OXR1: variants seen among roughly 807,000 people sequenced by gnomAD.
OXR1 encodes the protein oxidation resistance 1.
Under a neutral mutation model 104.6 loss-of-function variants are expected in OXR1, and 41 were observed. The observed-to-expected ratio is 0.39, with a 90% CI of 0.31 to 0.51. OXR1 has a LOEUF of 0.51. Ranked by LOEUF, OXR1 falls within the 20% of genes least tolerant of loss-of-function variation. The pLI, the probability that OXR1 is intolerant of heterozygous loss-of-function variation, is 0.77. For missense variants in OXR1, 955 were observed against 1,031.9 expected (o/e 0.93, Z 1.02); for synonymous variants, 348 against 348.4 (o/e 1.00, Z 0.01).
intron 3 of OXR1, among the ~76,000 whole-genome samples, chr8:106,578,369 C>G (rs914793190): frequency 3.9e-5 from 6 of 152,152 alleles, no homozygotes; most frequent in Non-Finnish European, 8.8e-5. Flanking sequence ...TTGATTGATA[C>G]AGTAGAGTTT....
At chr8:106,526,754 A>G (rs760754056) in intron 3 of OXR1, among the ~76,000 whole-genome samples, 17 of 152,336 alleles carry the variant, frequency 1.1e-4, no homozygotes, top group Non-Finnish European at 2.2e-4. Flanking sequence ...TGTGTTAGCC[A>G]GGATGGTCTC....
rs138432601 is a variant in OXR1, at chr8:106,341,390, C to CATAT, written c.-138-18072_-138-18069dup. On this transcript the variant is annotated intron_variant, in intron 1 of 16. Transcript: ENST00000517566. The stretch of plus-strand genomic sequence containing the variant: ...CTCATTTATTCAATTAGTCAATCTA[C>CATAT]ATATATATATATATATACTTTCTAA... Among the ~76,000 whole-genome samples the CATAT allele has an allele frequency of 1.7e-3, 244 of 145,968 alleles. 1 individual carries two copies. Among genetic ancestry groups the CATAT allele is most frequent in the Middle Eastern group, 7.1e-3 (2 of 282 alleles).
intron 11 of OXR1, among the ~76,000 whole-genome samples, chr8:106,725,478 T>TA (rs1463400170): frequency 1.3e-5 from 2 of 152,226 alleles, no homozygotes; most frequent in African/African-American, 2.4e-5. Context: ...ATTTAATCTT[T>TA]AAAAAATTCA....
chr8:106,448,662 A>G (rs906580903), intron 2 of OXR1, among the ~76,000 whole-genome samples: 1 of 152,142 alleles, frequency 6.6e-6, no homozygotes, highest in Non-Finnish European at 1.5e-5. Flanking sequence ...TAATTATTGG[A>G]AATTCTTACT....
intron 3 of OXR1, among the ~76,000 whole-genome samples, chr8:106,550,539 C>T (rs1265290288): frequency 6.6e-6 from 1 of 152,146 alleles, no homozygotes; most frequent in African/African-American, 2.4e-5. Flanking sequence ...AATCCCCACA[C>T]GTTGAGGGAG....
intron 2 of OXR1, among the ~76,000 whole-genome samples, chr8:106,459,597 ATCT>A (rs1394024329): frequency 6.6e-6 from 1 of 152,124 alleles, no homozygotes; most frequent in Non-Finnish European, 1.5e-5. Flanking sequence ...GTTAGGAAAA[ATCT>A]TCTTTATTCC....
At chr8:106,372,825 G>A (rs1341462537) in intron 2 of OXR1, among the ~76,000 whole-genome samples, 1 of 152,110 alleles carries the variant, frequency 6.6e-6, no homozygotes, top group East Asian at 1.9e-4. Flanking sequence ...TCAAATAAGG[G>A]ATACTCAATC....
chr8:106,598,255 A>T (rs1291062109), intron 3 of OXR1, among the ~76,000 whole-genome samples: 1 of 152,090 alleles, frequency 6.6e-6, no homozygotes, highest in Non-Finnish European at 1.5e-5. Flanking sequence ...ACCTTTCAAG[A>T]TGAGAGATTA....
intron 2 of OXR1, among the ~76,000 whole-genome samples, chr8:106,442,868 T>G (rs185822632): frequency 5.2e-4 from 79 of 152,294 alleles, no homozygotes; most frequent in Non-Finnish European, 9.1e-4. Context: ...AAACACCTCC[T>G]GCATTAAGAT....
intron 1 of OXR1, among the ~76,000 whole-genome samples, chr8:106,320,759 C>T (rs1346819399): frequency 6.6e-6 from 1 of 152,104 alleles, no homozygotes; most frequent in Non-Finnish European, 1.5e-5. Context: ...GCAGTCTCTG[C>T]CTCCTGGGTT....
chr8:106,318,874 G>T (rs548728436), intron 1 of OXR1, among the ~76,000 whole-genome samples: 2 of 152,214 alleles, frequency 1.3e-5, no homozygotes, highest in South Asian at 2.1e-4. Flanking sequence ...TTGAATCATA[G>T]GTCTATCTCC....
chr8:106,378,600 C>CCCAG (rs1399908524), intron 2 of OXR1, among the ~76,000 whole-genome samples: 1 of 152,034 alleles, frequency 6.6e-6, no homozygotes, highest in Non-Finnish European at 1.5e-5. Flanking sequence ...ACTTCTGACA[C>CCCAG]CCAGGTTCAA....
intron 2 of OXR1, among the ~76,000 whole-genome samples, chr8:106,411,808 GGGGCCCCACC>G (rs1199428715): frequency 6.6e-6 from 1 of 152,096 alleles, no homozygotes; most frequent in Non-Finnish European, 1.5e-5. Flanking sequence ...AGATATGGTG[GGGGCCCCACC>G]CATTCAGGAC....
intron 1 of OXR1, among the ~76,000 whole-genome samples, chr8:106,271,282 GTAGGCGAGCTT>G (rs1396962087): frequency 7.9e-6 from 1 of 126,344 alleles, no homozygotes; most frequent in Non-Finnish European, 1.5e-5. Context: ...TCGGCTCGCT[GTAGGCGAGCTT>G]TAGGAGATTT....
At chr8:106,708,815 A>T (rs1831408276) in intron 9 of OXR1, among the ~76,000 whole-genome samples, 1 of 152,036 alleles carries the variant, frequency 6.6e-6, no homozygotes, top group South Asian at 2.1e-4. Flanking sequence ...ATCATGTGGT[A>T]ACTCTATGTT....
In OXR1 at chr8:106,745,840, T is replaced by TCAC; in HGVS notation, c.2465_2467dup (p.Ser822_Leu823insPro). ...GTTTTTTATCAAAGGAGACATGGAT[T>TCAC]CACTAGCTTTCGGTGGTGGAGGGTA... On this transcript the variant is annotated inframe_insertion, in exon 16 of 17. Coordinates refer to ENST00000517566, the MANE Select transcript of OXR1 (RefSeq NM_001198533.2). 1 of 1,590,312 alleles carries TCAC rather than the reference T, an allele frequency of 6.3e-7. No homozygotes were observed. The highest frequency in any genetic ancestry group is 1.1e-5 in the South Asian group (1 of 89,950).
At chr8:106,472,223 G>C (rs571840700) in intron 2 of OXR1, among the ~76,000 whole-genome samples, 3 of 151,886 alleles carry the variant, frequency 2.0e-5, no homozygotes, top group East Asian at 1.9e-4. Flanking sequence ...TGGAATATAT[G>C]AGCCAGGATG....
intron 1 of OXR1, among the ~76,000 whole-genome samples, chr8:106,347,735 A>T (rs1338190738): frequency 6.6e-6 from 1 of 152,138 alleles, no homozygotes; most frequent in Admixed American, 6.5e-5. Flanking sequence ...ATTTTATGTG[A>T]CTATTACTAT....
At chr8:106,654,766 T>C (rs918151411) in intron 3 of OXR1, among the ~76,000 whole-genome samples, 13 of 152,148 alleles carry the variant, frequency 8.5e-5, no homozygotes, top group Admixed American at 6.5e-5. Flanking sequence ...TTAAACCTTT[T>C]TGTACATTGA....
Sources: gnomAD v4.1 joint callset for allele counts (sites outside exome capture counted in the v4.1 genomes callset) on GRCh38, gnomAD v4.1.1 for gene constraint, MANE v1.5 for transcripts, NCBI Gene and HGNC (gene_info 2026-07-23, HGNC 2026-07-21) for gene names.